The following DNM3 variants were observed in gnomAD, a reference collection of about 807,000 sequenced individuals.
DNM3 encodes dynamin-3.
Under a neutral mutation model 101.6 loss-of-function variants are expected in DNM3, and 47 were observed. That is an observed-to-expected ratio of 0.46 (90% CI 0.37 to 0.59). The LOEUF is 0.59. Ranked by LOEUF, DNM3 falls within the 20% of genes least tolerant of loss-of-function variation. The probability of loss-of-function intolerance (pLI) is 0.00; values close to 1 mark genes in which losing one functional copy is unlikely to be tolerated. For synonymous variants in DNM3, 385 were observed against 387.9 expected (o/e 0.99, Z 0.09); for missense variants, 849 against 1,085.7 (o/e 0.78, Z 3.06).
In DNM3 at chr1:172,410,101, T is replaced by C. The variant is rs1039341926; in HGVS notation, c.*2260T>C. The C allele has an allele frequency of 1.0e-6, 1 of 985,312 alleles. No homozygotes were observed. The highest frequency in any genetic ancestry group is 1.7e-5 in the African/African-American group (1 of 57,236). 61.0% of individuals were successfully genotyped at this position (985,312 alleles called of 1,614,324 possible). Reference sequence around the variant, plus strand: ...ATTTTTGTTCTTTACTCCTAAGTTATTTCTCATAGAACCCAGCCTACTCTA... The same window carrying C: ...ATTTTTGTTCTTTACTCCTAAGTTACTTCTCATAGAACCCAGCCTACTCTA... On this transcript the variant is annotated 3_prime_UTR_variant, in exon 21 of 21. Coordinates refer to ENST00000627582, the MANE Select transcript of DNM3 (RefSeq NM_015569.5).
At chr1:172,290,214 T>C (rs1270293535) in intron 15 of DNM3, 1 of 158,230 alleles carries the variant, frequency 6.3e-6, no homozygotes, top group South Asian at 2.0e-4. Context: ...AGGCAGCAGA[T>C]AGTTAACATA....
chr1:172,029,758 A>G (rs543502768), intron 4 of DNM3, among the ~76,000 whole-genome samples: 20 of 152,178 alleles, frequency 1.3e-4, no homozygotes, highest in Non-Finnish European at 2.8e-4. Flanking sequence ...CCTATACACC[A>G]ATAAGAGACA....
At chr1:171,970,114 C>T (rs767717148) in intron 2 of DNM3, 7 of 277,972 alleles carry the variant, frequency 2.5e-5, no homozygotes, top group Non-Finnish European at 3.8e-5. Context: ...ATAGATAGTT[C>T]CTTCCTTCTG....
At chr1:172,096,249 G>A (rs1369510070) in intron 13 of DNM3, among the ~76,000 whole-genome samples, 2 of 151,888 alleles carry the variant, frequency 1.3e-5, no homozygotes, top group African/African-American at 2.4e-5. Flanking sequence ...ATTATTTTTT[G>A]TCTTCCTTCA....
intron 17 of DNM3, among the ~76,000 whole-genome samples, chr1:172,327,798 G>T (rs1426008604): frequency 6.6e-6 from 1 of 152,078 alleles, no homozygotes; most frequent in Non-Finnish European, 1.5e-5. Context: ...TAAAAGAAAG[G>T]ATGAAAATTC....
rs116271441 is a variant in DNM3 at position 172,255,574 on chromosome 1, G to A, written c.1769+1892G>A. On this transcript the variant is annotated intron_variant, in intron 15 of 20. Coordinates refer to ENST00000627582, the MANE Select transcript of DNM3 (RefSeq NM_015569.5). ...GATTTTAAAGACAGCAAAAGTCACC[G>A]AAATAAGGAAACTGTGGACTTTGAA... Among the ~76,000 whole-genome samples the A allele has an allele frequency of 4.8e-3, 724 of 152,244 alleles. 3 individuals carry two copies. Among genetic ancestry groups the A allele is most frequent in the African/African-American group, 0.016 (680 of 41,556 alleles).
chr1:172,275,192 A>G (rs2063234563), intron 15 of DNM3, among the ~76,000 whole-genome samples: 1 of 151,968 alleles, frequency 6.6e-6, no homozygotes, highest in East Asian at 1.9e-4. Context: ...CTTATATCTC[A>G]TAGATTAGAA....
Position 172,412,421 on chromosome 1 carries a change from T to C in DNM3, c.*4580T>C. On this transcript the variant is annotated 3_prime_UTR_variant, in exon 21 of 21. Transcript: ENST00000627582. ...ATGTACAGCCTTTGTTTTGCTTGCT[T>C]GTCTATTTTTACTTTCCCTTTTTTG... 1 of 985,836 alleles carries C rather than the reference T, an allele frequency of 1.0e-6. No individual in the cohort carries two copies. The allele number at this position is 985,836 out of a possible 1,614,324, so 61.1% of individuals were successfully genotyped here.
intron 15 of DNM3, among the ~76,000 whole-genome samples, chr1:172,255,568 G>T (rs1188949339): frequency 6.6e-6 from 1 of 152,124 alleles, no homozygotes; most frequent in Non-Finnish European, 1.5e-5. Flanking sequence ...GACAGCAAAA[G>T]TCACCGAAAT....
chr1:172,214,515 T>TC (rs35963512), intron 14 of DNM3, among the ~76,000 whole-genome samples: 72,470 of 151,406 alleles, frequency 0.48, 17,614 homozygotes, highest in Middle Eastern at 0.64. Flanking sequence ...ACACACCTCA[T>TC]CCCCCCCACA....
intron 1 of DNM3, among the ~76,000 whole-genome samples, chr1:171,848,857 C>T (rs943375250): frequency 2.0e-5 from 3 of 152,164 alleles, no homozygotes; most frequent in African/African-American, 7.2e-5. Context: ...AATGATGATA[C>T]ATTTAATTCC....
At position 172,268,295 on chromosome 1, in the gene DNM3, G is replaced by A. The variant is rs1033531013; in HGVS notation, c.1769+14613G>A. On this transcript the variant is annotated intron_variant, in intron 15 of 20. Transcript: ENST00000627582. Reference sequence around the variant, plus strand: ...TCAGTAAAAAAAAAAAAAAAAAATTGTATATTTTGAAAGTTGATTCCAAGT... The same window carrying A: ...TCAGTAAAAAAAAAAAAAAAAAATTATATATTTTGAAAGTTGATTCCAAGT... Among the ~76,000 whole-genome samples the A allele has an allele frequency of 1.9e-4, 28 of 149,746 alleles. 1 individual carries two copies. The highest frequency in any genetic ancestry group is 1.3e-3 in the Admixed American group (19 of 15,050).
intron 2 of DNM3, among the ~76,000 whole-genome samples, chr1:171,957,406 G>A (rs1004067865): frequency 6.6e-6 from 1 of 151,936 alleles, no homozygotes; most frequent in Non-Finnish European, 1.5e-5. Flanking sequence ...CACCATGTTA[G>A]CTAGGATGGA....
chr1:172,229,424 A>G (rs1472989713), intron 14 of DNM3, among the ~76,000 whole-genome samples: 2 of 152,192 alleles, frequency 1.3e-5, no homozygotes, highest in African/African-American at 2.4e-5. Flanking sequence ...GTGAATGTAT[A>G]TAAGTGTCTA....
intron 14 of DNM3, among the ~76,000 whole-genome samples, chr1:172,151,694 G>T (rs375625306): frequency 6.6e-6 from 1 of 152,094 alleles, no homozygotes; most frequent in South Asian, 2.1e-4. Context: ...TATGTGGGGT[G>T]GTCTCAGGTG....
chr1:172,069,183 T>C (rs2125936889), intron 11 of DNM3, among the ~76,000 whole-genome samples: 1 of 152,304 alleles, frequency 6.6e-6, no homozygotes, highest in African/African-American at 2.4e-5. Context: ...TTCTCAATGC[T>C]CCATGGATCA....
intron 15 of DNM3, among the ~76,000 whole-genome samples, chr1:172,262,529 C>T (rs865837469): frequency 1.3e-5 from 2 of 152,282 alleles, no homozygotes; most frequent in Non-Finnish European, 1.5e-5. Flanking sequence ...CTCTCATTCA[C>T]ACTTTCCCCA....
At chr1:171,933,241 C>T (rs975209145) in intron 2 of DNM3, among the ~76,000 whole-genome samples, 9 of 152,224 alleles carry the variant, frequency 5.9e-5, no homozygotes, top group South Asian at 4.2e-4. Flanking sequence ...CTTGGGTTGA[C>T]GGTGGGCTAA....
At chr1:172,223,707 A>G (rs1371929333) in intron 14 of DNM3, among the ~76,000 whole-genome samples, 1 of 152,112 alleles carries the variant, frequency 6.6e-6, no homozygotes, top group Non-Finnish European at 1.5e-5. Context: ...TAGTTTTTAA[A>G]TACATATACT....
Sources: allele counts gnomAD v4.1 joint callset (sites outside exome capture counted in the v4.1 genomes callset), GRCh38; gene constraint gnomAD v4.1.1; transcripts MANE v1.5; gene names NCBI Gene and HGNC (gene_info 2026-07-23, HGNC 2026-07-21).